Variants in RHCG observed in about 807,000 individuals in gnomAD.
RHCG encodes Rh family C glycoprotein, also known as ammonium transporter Rh type C.
A neutral mutation model predicts 55.3 loss-of-function variants in RHCG; 39 were observed. That is an observed-to-expected ratio of 0.70 (90% CI 0.55 to 0.92). RHCG has a LOEUF of 0.92. Ranked by LOEUF, RHCG falls within the 40% of genes least tolerant of loss-of-function variation. RHCG has a pLI of 0.00. For missense variants in RHCG, 635 were observed against 627.9 expected (o/e 1.01, Z -0.12); for synonymous variants, 250 against 246.8 (o/e 1.01, Z -0.12).
chr15:89,478,179 C>A (rs1961193266), intron 5 of RHCG, among the ~76,000 whole-genome samples: 1 of 152,224 alleles, frequency 6.6e-6, no homozygotes, highest in Non-Finnish European at 1.5e-5. Flanking sequence ...TGCCTCTCTG[C>A]ACATGCCACC....
At position 89,477,805 on chromosome 15, in the gene RHCG, C is replaced by G. The variant is rs371739676; in HGVS notation, c.975+32G>C. ...AGGAACACAAAGACCTCAGCATTCTCTAGCCCCCAGCCCCTTGCCTGGGGC... is the reference window on the plus strand; with the variant it reads ...AGGAACACAAAGACCTCAGCATTCTGTAGCCCCCAGCCCCTTGCCTGGGGC... On this transcript the variant is annotated intron_variant, in intron 6 of 10. Transcript: ENST00000268122. This position sits in a 1 kb window ranked among gnomAD's most constrained non-coding sequence, Gnocchi z 4.5. 1.9e-6 allele frequency: 3 copies of G among 1,613,334 alleles called. No homozygotes were observed. The highest frequency in any genetic ancestry group is 2.5e-6 in the Non-Finnish European group (3 of 1,179,628).
chr15:89,486,237 T>TG (rs761255064), intron 2 of RHCG: 103 of 456,322 alleles, frequency 2.3e-4, no homozygotes, highest in African/African-American at 1.9e-3. Flanking sequence ...CTGGGGTGGG[T>TG]GGGGGCGGTG....
chr15:89,479,304 C>G lies in RHCG; in HGVS notation c.837+18G>C. 1 of 1,606,660 alleles carries G rather than the reference C, an allele frequency of 6.2e-7. No homozygotes were observed. Among genetic ancestry groups the G allele is most frequent in the Non-Finnish European group, 8.5e-7 (1 of 1,176,234 alleles). ...GCCCAGGCAGTCAGAGCCACACCCC[C>G]AACGCCCTCATGCTCACCATGTCCA... On this transcript the variant is annotated intron_variant, in intron 5 of 10. Coordinates refer to ENST00000268122, the MANE Select transcript of RHCG (RefSeq NM_016321.3).
intron 1 of RHCG, among the ~76,000 whole-genome samples, chr15:89,493,727 G>C (rs1003774005): frequency 6.6e-6 from 1 of 152,188 alleles, no homozygotes; most frequent in Non-Finnish European, 1.5e-5. Flanking sequence ...AAGGGGGAAG[G>C]TTGAGACTAG....
At chr15:89,487,074 T>C in intron 1 of RHCG, 89 bp from the exon 2 acceptor site, 2 of 1,209,536 alleles carry the variant, frequency 1.7e-6, no homozygotes, top group Non-Finnish European at 2.2e-6. Flanking sequence ...GGGTAGCCCC[T>C]CAGTCTTCCC....
At chr15:89,478,141 C>T (rs1207103102) in intron 5 of RHCG, among the ~76,000 whole-genome samples, 167 bp from the exon 6 acceptor site, 2 of 152,206 alleles carry the variant, frequency 1.3e-5, no homozygotes, top group Non-Finnish European at 2.9e-5. Flanking sequence ...ACTTCAGCCC[C>T]ACCCAGGCTT....
chr15:89,488,775 G>GC (rs201711443), intron 1 of RHCG, among the ~76,000 whole-genome samples: 2,635 of 60,314 alleles, frequency 0.044, 55 homozygotes, highest in Admixed American at 0.11. Context: ...TGGGAGAATG[G>GC]GGGGGGGGGA....
chr15:89,485,415 C>G (rs1170474812), intron 2 of RHCG, among the ~76,000 whole-genome samples: 1 of 152,232 alleles, frequency 6.6e-6, no homozygotes, highest in African/African-American at 2.4e-5. Context: ...TCCTGTTTCT[C>G]TTAATTCATG....
At position 89,496,404 on chromosome 15, in the gene RHCG, C is replaced by G; in HGVS notation, c.141G>C (p.Lys47Asn). 6.2e-7 allele frequency: 1 copy of G among 1,614,064 alleles called. No homozygotes were observed. ...ATTCGTTCTCCATGTCGCTCAAGTT[C>G]TTGTGCGTCCTCTCTGACCACCAGT... ...DAHWWSERTH[K>N]NLSDMENEFY... Residue 47 changes from lysine (K) to asparagine (N), a missense_variant, in exon 1 of 11, where the codon AAG becomes AAC. Physicochemically the swap from Lys to Asn is moderately conservative, Grantham distance 94. Transcript: ENST00000268122.
intron 9 of RHCG, among the ~76,000 whole-genome samples, chr15:89,473,856 A>C (rs1007516043): frequency 6.6e-6 from 1 of 152,312 alleles, no homozygotes; most frequent in East Asian, 1.9e-4. Context: ...GAGAGGTGTG[A>C]ACTTGGAATA....
intron 1 of RHCG, among the ~76,000 whole-genome samples, chr15:89,490,589 G>A (rs1216620866): frequency 6.6e-6 from 1 of 152,212 alleles, no homozygotes; most frequent in African/African-American, 2.4e-5. Flanking sequence ...AAGAACTGAT[G>A]GGTGACAGAC....
rs938148968 is a variant in RHCG, at chr15:89,476,787, C to T, written c.1279G>A (p.Glu427Lys). 43 of 1,614,030 alleles carry T rather than the reference C, an allele frequency of 2.7e-5. No individual in the cohort carries two copies. The highest frequency in any genetic ancestry group is 3.6e-5 in the Non-Finnish European group (42 of 1,180,034). Residue 427 changes from glutamate (E) to lysine (K), a missense_variant, in exon 9 of 11, where the codon GAG becomes AAG. Glu to Lys is a moderately conservative substitution (Grantham distance 56). Coordinates refer to ENST00000268122, the MANE Select transcript of RHCG (RefSeq NM_016321.3). ...RLPFWGQPSD[E>K]NCFEDAVYWE... ...TAGACCGCATCCTCAAAGCAGTTCT[C>T]ATCTGAAGGTTGTCCCCAGAATGGT... is the stretch of plus-strand genomic sequence containing the variant.
At chr15:89,492,066 A>G (rs1256734962) in intron 1 of RHCG, among the ~76,000 whole-genome samples, 3 of 52,058 alleles carry the variant, frequency 5.8e-5, no homozygotes, top group East Asian at 6.1e-4. Context: ...TGGGTTGGCA[A>G]CTTGCTGAGG....
At position 89,487,004 on chromosome 15, in the gene RHCG, C is replaced by G. The variant is rs1257821790; in HGVS notation, c.185-19G>C. On this transcript the variant is annotated intron_variant, in intron 1 of 10. Coordinates refer to ENST00000268122, the MANE Select transcript of RHCG (RefSeq NM_016321.3). Reference sequence around the variant, plus strand: ...TGGAAGCCTGCGGGGACAGTGCAGCCCGGGACTCGGTGGTCTGGCGAAGGT... The same window carrying G: ...TGGAAGCCTGCGGGGACAGTGCAGCGCGGGACTCGGTGGTCTGGCGAAGGT... 27 of 1,543,616 alleles carry G rather than the reference C, an allele frequency of 1.7e-5. No homozygotes were observed. The highest frequency in any genetic ancestry group is 2.3e-5 in the Non-Finnish European group (26 of 1,139,998).
At chr15:89,487,484 A>G (rs1166478543) in intron 1 of RHCG, among the ~76,000 whole-genome samples, 1 of 152,150 alleles carries the variant, frequency 6.6e-6, no homozygotes, top group Non-Finnish European at 1.5e-5. Context: ...CTCCACCGCA[A>G]TCCTGTTCCT....
rs1402739729 is a variant in RHCG, at chr15:89,496,566, G to A, written c.-22C>T. On this transcript the variant is annotated 5_prime_UTR_variant, in exon 1 of 11. Transcript: ENST00000268122. The stretch of plus-strand genomic sequence containing the variant: ...CCATGCTGCAGGGGTGCCTGGCCGG[G>A]CTGGCAGCGGGCGGTTCGGACGCTC... The A allele has an allele frequency of 2.5e-6, 4 of 1,599,680 alleles. No individual in the cohort carries two copies. Among genetic ancestry groups the A allele is most frequent in the Non-Finnish European group, 3.4e-6 (4 of 1,173,812 alleles).
In RHCG at chr15:89,486,972, C is replaced by A; in HGVS notation, c.198G>T (p.Val66=). The A allele has an allele frequency of 6.3e-7, 1 of 1,597,614 alleles. No homozygotes were observed. Among genetic ancestry groups the A allele is most frequent in the Non-Finnish European group, 8.6e-7 (1 of 1,168,184 alleles). The part of the protein sequence containing the change: ...FYYRYPSFQD[V]HVMVFVGFGF... ...CGAAGCCCACGAAGACCATCACGTG[C>A]ACGTCCTGGAAGCCTGCGGGGACAG... Residue 66 remains valine (V), a synonymous_variant, in exon 2 of 11, where the codon GTG becomes GTT. Coordinates refer to ENST00000268122, the MANE Select transcript of RHCG (RefSeq NM_016321.3).
intron 2 of RHCG, among the ~76,000 whole-genome samples, chr15:89,484,138 G>A (rs1012006246): frequency 1.8e-4 from 27 of 152,212 alleles, no homozygotes; most frequent in African/African-American, 6.5e-4. Context: ...CCATGCTCAG[G>A]GCTGTGTGTA....
At chr15:89,484,006 C>A (rs980819473) in intron 2 of RHCG, among the ~76,000 whole-genome samples, 1 of 152,236 alleles carries the variant, frequency 6.6e-6, no homozygotes, top group Non-Finnish European at 1.5e-5. Context: ...TTGTCCCCTG[C>A]CAGCAGCAAA....
Sources: allele counts gnomAD v4.1 joint callset (sites outside exome capture counted in the v4.1 genomes callset), GRCh38; gene constraint gnomAD v4.1.1; non-coding constraint Gnocchi (gnomAD v3.1); transcripts MANE v1.5; gene names NCBI Gene and HGNC (gene_info 2026-07-23, HGNC 2026-07-21).